Variants in LINGO2 observed in about 807,000 individuals in gnomAD.
LINGO2 encodes the protein leucine rich repeat and Ig domain containing 2.
In LINGO2, 14 loss-of-function variants were observed where a neutral mutation model predicts 30.6. The ratio of observed to expected loss-of-function variants is 0.46; its 90% CI spans 0.30 to 0.72. The LOEUF (loss-of-function observed/expected upper bound fraction) is 0.72, where lower values mean the gene tolerates loss of function less well. LINGO2 is among the 30% of genes least tolerant of loss of function. LINGO2 has a pLI of 0.07. For synonymous variants in LINGO2, 317 were observed against 288.5 expected (o/e 1.10, Z -1.00); for missense variants, 729 against 751.7 (o/e 0.97, Z 0.35).
intron 4 of LINGO2, among the ~76,000 whole-genome samples, chr9:28,138,309 C>G (rs1827573314): frequency 6.6e-6 from 1 of 152,136 alleles, no homozygotes; most frequent in African/African-American, 2.4e-5. Flanking sequence ...TTACTTCAAC[C>G]TATCTCTAGT....
the LINGO2 span, among the ~76,000 whole-genome samples, chr9:28,750,761 A>T: frequency 6.6e-6 from 1 of 152,188 alleles, no homozygotes; most frequent in Non-Finnish European, 1.5e-5. Context: ...TGAATTAAAT[A>T]AGATCATGTA....
At chr9:28,507,982 T>C (rs1820222421) in intron 1 of LINGO2, among the ~76,000 whole-genome samples, 1 of 152,082 alleles carries the variant, frequency 6.6e-6, no homozygotes, top group African/African-American at 2.4e-5. Context: ...TTTGTCATAT[T>C]TGGAAAGAAA....
chr9:29,202,811 T>C, the LINGO2 span, among the ~76,000 whole-genome samples: 1 of 152,052 alleles, frequency 6.6e-6, no homozygotes, highest in Non-Finnish European at 1.5e-5. Flanking sequence ...AGCATTCCTA[T>C]GAACTGATGA....
chr9:28,710,074 G>A, the LINGO2 span, among the ~76,000 whole-genome samples: 1 of 150,932 alleles, frequency 6.6e-6, no homozygotes, highest in East Asian at 1.9e-4. Flanking sequence ...GTCTCCCCCA[G>A]ATTTGTATGT....
At chr9:29,155,337 G>T in the LINGO2 span, among the ~76,000 whole-genome samples, 17 of 151,886 alleles carry the variant, frequency 1.1e-4, no homozygotes, top group Middle Eastern at 3.4e-3. Context: ...TTAAAGTAGG[G>T]GTGTTTGTCA....
intron 1 of LINGO2, among the ~76,000 whole-genome samples, chr9:28,641,014 T>A (rs1827549459): frequency 6.6e-6 from 1 of 152,136 alleles, no homozygotes; most frequent in African/African-American, 2.4e-5. Context: ...GGTGTGGATG[T>A]CCTTCCTGTT....
intron 3 of LINGO2, among the ~76,000 whole-genome samples, chr9:28,303,257 T>G (rs182088219): frequency 8.5e-5 from 13 of 152,334 alleles, no homozygotes; most frequent in Non-Finnish European, 1.8e-4. Context: ...TAAACCAACA[T>G]GCTCCTCTTT....
chr9:28,318,093 C>A (rs1405115215), intron 3 of LINGO2, among the ~76,000 whole-genome samples: 3 of 152,158 alleles, frequency 2.0e-5, no homozygotes, highest in African/African-American at 7.2e-5. Context: ...TTCCCATGTT[C>A]TTTCAAGGTT....
intron 1 of LINGO2, among the ~76,000 whole-genome samples, chr9:28,538,779 C>T (rs1774209779): frequency 1.3e-5 from 2 of 152,008 alleles, no homozygotes; most frequent in Non-Finnish European, 1.5e-5. Flanking sequence ...GTCCTCATGA[C>T]CGAAACACCT....
At chr9:28,624,367 C>T (rs532131063) in intron 1 of LINGO2, among the ~76,000 whole-genome samples, 18 of 151,722 alleles carry the variant, frequency 1.2e-4, no homozygotes, top group Admixed American at 5.3e-4. Flanking sequence ...TAGTTTTGGG[C>T]GGATTTTATC....
chr9:28,926,962 T>C, the LINGO2 span, among the ~76,000 whole-genome samples: 1 of 152,234 alleles, frequency 6.6e-6, no homozygotes, highest in Admixed American at 6.5e-5. Context: ...AATTATTCTG[T>C]CCTCTGTCCA....
At chr9:28,172,826 G>T (rs1051025889) in intron 4 of LINGO2, among the ~76,000 whole-genome samples, 6 of 152,044 alleles carry the variant, frequency 3.9e-5, no homozygotes, top group Non-Finnish European at 7.4e-5. Context: ...ACAAATGAAT[G>T]TTAGGGAACA....
At chr9:29,024,275 T>C in the LINGO2 span, among the ~76,000 whole-genome samples, 1 of 152,084 alleles carries the variant, frequency 6.6e-6, no homozygotes, top group African/African-American at 2.4e-5. Flanking sequence ...AATATATCTA[T>C]TAAAGGAATA....
At chr9:28,726,865 G>A in the LINGO2 span, among the ~76,000 whole-genome samples, 2 of 152,044 alleles carry the variant, frequency 1.3e-5, no homozygotes, top group Non-Finnish European at 2.9e-5. Flanking sequence ...TACTACCCAC[G>A]CTGATGTATA....
the LINGO2 span, among the ~76,000 whole-genome samples, chr9:29,077,773 A>G: frequency 1.3e-5 from 2 of 152,006 alleles, no homozygotes; most frequent in Non-Finnish European, 2.9e-5. Context: ...ATGAAATGAA[A>G]CAATGTGGGG....
chr9:28,466,789 CTT>C (rs1292747607), intron 2 of LINGO2, among the ~76,000 whole-genome samples: 1 of 152,110 alleles, frequency 6.6e-6, no homozygotes, highest in Non-Finnish European at 1.5e-5. Context: ...AAAAGTGTGA[CTT>C]TAACTCAAAG....
the LINGO2 span, among the ~76,000 whole-genome samples, chr9:28,960,642 ATTAT>A: frequency 2.1e-5 from 1 of 47,904 alleles, no homozygotes; most frequent in Non-Finnish European, 5.9e-5. Flanking sequence ...GTATTCTGAT[ATTAT>A]TTAATTTTTT....
At chr9:28,772,373 C>T in the LINGO2 span, among the ~76,000 whole-genome samples, 1 of 152,158 alleles carries the variant, frequency 6.6e-6, no homozygotes, top group East Asian at 1.9e-4. Flanking sequence ...CTATTAGTAA[C>T]ATCCTTTTTG....
intron 2 of LINGO2, among the ~76,000 whole-genome samples, chr9:28,425,539 G>A (rs1051914538): frequency 1.3e-4 from 19 of 151,922 alleles, no homozygotes; most frequent in Non-Finnish European, 2.2e-4. Flanking sequence ...CTATGCTGCT[G>A]GCCTTTTTCC....
Sources: gnomAD v4.1 joint callset for allele counts (sites outside exome capture counted in the v4.1 genomes callset) on GRCh38, gnomAD v4.1.1 for gene constraint, MANE v1.5 for transcripts, NCBI Gene and HGNC (gene_info 2026-07-23, HGNC 2026-07-21) for gene names.